The following PALM2AKAP2 variants were observed in gnomAD, a reference collection of about 807,000 sequenced individuals.
PALM2AKAP2 encodes the protein PALM2 and AKAP2 fusion, also known as PALM2-AKAP2 fusion protein.
In PALM2AKAP2, 37 loss-of-function variants were observed where a neutral mutation model predicts 71.5. The observed-to-expected ratio is 0.52, with a 90% CI of 0.40 to 0.68. The LOEUF (loss-of-function observed/expected upper bound fraction) is 0.68, where lower values mean the gene tolerates loss of function less well. Ranked by LOEUF, PALM2AKAP2 falls within the 30% of genes least tolerant of loss-of-function variation. The pLI, the probability that PALM2AKAP2 is intolerant of heterozygous loss-of-function variation, is 0.00. For synonymous variants in PALM2AKAP2, 468 were observed against 478.8 expected, an observed-to-expected ratio of 0.98 and a Z score of 0.29; for missense variants, 1,224 against 1,191.8, an observed-to-expected ratio of 1.03 and a Z score of -0.40.
At chr9:109,803,470 A>G (rs1444608894) in intron 1 of PALM2AKAP2, among the ~76,000 whole-genome samples, 4 of 152,192 alleles carry the variant, frequency 2.6e-5, no homozygotes, top group Non-Finnish European at 5.9e-5. Context: ...GCAAACTAGG[A>G]GCCCTCAAGA....
At chr9:110,003,617 G>T (rs1314088098) in intron 6 of PALM2AKAP2, among the ~76,000 whole-genome samples, 2 of 151,878 alleles carry the variant, frequency 1.3e-5, no homozygotes, top group East Asian at 3.9e-4. Context: ...TCTGTCTAAT[G>T]TTGACAGTGG....
At chr9:110,163,626 C>T (rs1571780) in intron 3 of PALM2AKAP2, among the ~76,000 whole-genome samples, 79,087 of 151,866 alleles carry the variant, frequency 0.52, 20,999 homozygotes, top group East Asian at 0.86. Context: ...ATTCTATAAG[C>T]GGTAAATCAT....
chr9:110,132,391 C>T (rs1835755031), intron 1 of PALM2AKAP2, among the ~76,000 whole-genome samples: 1 of 151,628 alleles, frequency 6.6e-6, no homozygotes, highest in Non-Finnish European at 1.5e-5. Context: ...TACCAAGCCT[C>T]ACTTCCTCAC....
At chr9:109,867,849 G>A (rs1370664172) in intron 2 of PALM2AKAP2, among the ~76,000 whole-genome samples, 3 of 152,158 alleles carry the variant, frequency 2.0e-5, no homozygotes, top group Non-Finnish European at 4.4e-5. Context: ...ATAGAAATTG[G>A]ATGAGAATAC....
At chr9:109,867,649 C>A (rs990765237) in intron 2 of PALM2AKAP2, 78 bp downstream of exon 2, 10 of 1,495,526 alleles carry the variant, frequency 6.7e-6, no homozygotes, top group Non-Finnish European at 8.0e-6. Context: ...AGTGCCTGCC[C>A]TGCCGTGAAG....
exon 4 of PALM2AKAP2, chr9:110,170,389 A>C (rs1001319858): frequency 6.5e-6 from 1 of 152,694 alleles, no homozygotes; most frequent in Non-Finnish European, 1.5e-5. Flanking sequence ...TGTAGATGTT[A>C]ACGCACATTT....
chr9:110,090,134 T>C (rs1421269259), intron 1 of PALM2AKAP2: 3 of 301,200 alleles, frequency 1.0e-5, no homozygotes, highest in Non-Finnish European at 2.0e-5. Flanking sequence ...AGTGTACCTT[T>C]GAACCGGAGA....
Position 109,710,069 on chromosome 9 carries a change from A to T in PALM2AKAP2, c.5+69203A>T, listed in dbSNP as rs141504912. Among the ~76,000 whole-genome samples, 6 of 152,320 alleles carry T rather than the reference A, an allele frequency of 3.9e-5. No homozygotes were observed. In the East Asian group the frequency reaches 7.7e-4, roughly 20 times the overall value. On this transcript the variant is annotated intron_variant, in intron 1 of 6. Coordinates refer to the PALM2AKAP2 transcript ENST00000374531. The stretch of plus-strand genomic sequence containing the variant: ...TGGAAGCAGAGATTGGAGTGGCGTA[A>T]CTACAAGCCAAGGAATGCCAAGTAT...
chr9:109,727,994 A>C (rs1453188397), intron 1 of PALM2AKAP2, among the ~76,000 whole-genome samples: 1 of 152,204 alleles, frequency 6.6e-6, no homozygotes, highest in Non-Finnish European at 1.5e-5. Flanking sequence ...AGGGCTTTCT[A>C]TTCAGGAATT....
At chr9:109,884,647 G>A (rs1422185067) in intron 3 of PALM2AKAP2, among the ~76,000 whole-genome samples, 1 of 152,088 alleles carries the variant, frequency 6.6e-6, no homozygotes, top group Non-Finnish European at 1.5e-5. Flanking sequence ...CATTTTAAGG[G>A]AAATCTTCAT....
At chr9:109,997,943 C>T (rs930041709) in intron 6 of PALM2AKAP2, among the ~76,000 whole-genome samples, 4 of 152,184 alleles carry the variant, frequency 2.6e-5, no homozygotes, top group African/African-American at 4.8e-5. Context: ...TCTGAAGTTC[C>T]GCTAAGTTCT....
chr9:110,036,674 A>G (rs1405826163), intron 7 of PALM2AKAP2, among the ~76,000 whole-genome samples: 1 of 152,090 alleles, frequency 6.6e-6, no homozygotes, highest in Admixed American at 6.6e-5. Flanking sequence ...CATCTTATTC[A>G]GGAAAATAGG....
chr9:110,157,522 C>T (rs2119227005), intron 3 of PALM2AKAP2, among the ~76,000 whole-genome samples: 2 of 152,272 alleles, frequency 1.3e-5, no homozygotes, highest in South Asian at 4.1e-4. Context: ...CCTCAGCCTC[C>T]TGAATAGCTG....
chr9:109,657,236 C>A (rs1827320195), intron 1 of PALM2AKAP2, among the ~76,000 whole-genome samples: 1 of 152,214 alleles, frequency 6.6e-6, no homozygotes, highest in Admixed American at 6.5e-5. Flanking sequence ...TTGTCATTTG[C>A]AATTTATGAT....
intron 6 of PALM2AKAP2, among the ~76,000 whole-genome samples, chr9:109,953,278 G>A (rs1300574812): frequency 1.3e-5 from 2 of 152,192 alleles, no homozygotes; most frequent in Non-Finnish European, 2.9e-5. Flanking sequence ...ACTTTGGAAG[G>A]GAATGTAGTT....
intron 6 of PALM2AKAP2, among the ~76,000 whole-genome samples, chr9:109,985,178 A>AAAAAC (rs1456144544): frequency 6.6e-6 from 1 of 152,052 alleles, no homozygotes; most frequent in African/African-American, 2.4e-5. Flanking sequence ...TCCGTCTCAA[A>AAAAAC]AAAACAAAAC....
chr9:109,748,376 C>G (rs1371514274), intron 1 of PALM2AKAP2, among the ~76,000 whole-genome samples: 1 of 152,094 alleles, frequency 6.6e-6, no homozygotes. Flanking sequence ...TGACGCACTA[C>G]AGGGGTTCCC....
At chr9:109,739,107 A>G (rs1279359119) in intron 1 of PALM2AKAP2, among the ~76,000 whole-genome samples, 1 of 152,208 alleles carries the variant, frequency 6.6e-6, no homozygotes. Flanking sequence ...AATTATCTCA[A>G]TTTTATAGCT....
chr9:109,647,139 A>C (rs1827166493), intron 1 of PALM2AKAP2, among the ~76,000 whole-genome samples: 1 of 151,974 alleles, frequency 6.6e-6, no homozygotes, highest in African/African-American at 2.4e-5. Flanking sequence ...AGGTTTAAAT[A>C]TTTCTTTTAC....
Sources: allele counts gnomAD v4.1 joint callset (sites outside exome capture counted in the v4.1 genomes callset), GRCh38; gene constraint gnomAD v4.1.1; transcripts MANE v1.5; gene names NCBI Gene and HGNC (gene_info 2026-07-23, HGNC 2026-07-21).